Variants in ALDH2 observed in about 807,000 individuals in gnomAD.
ALDH2 encodes the protein aldehyde dehydrogenase 2 family member, also known as aldehyde dehydrogenase, mitochondrial.
ALDH2 carries 44 observed loss-of-function variants against 59.6 expected under a neutral mutation model. The observed-to-expected ratio is 0.74, with a 90% CI of 0.58 to 0.95. The LOEUF (loss-of-function observed/expected upper bound fraction) is 0.95. Ranked by LOEUF, ALDH2 falls within the 40% of genes least tolerant of loss-of-function variation. The pLI, the probability that ALDH2 is intolerant of heterozygous loss-of-function variation, is 0.00. For synonymous variants in ALDH2, 291 were observed against 284.0 expected (o/e 1.02, Z -0.25); for missense variants, 570 against 696.3 (o/e 0.82, Z 2.04).
intron 12 of ALDH2, among the ~76,000 whole-genome samples, chr12:111,809,050 A>C (rs1293791830): frequency 1.3e-5 from 2 of 152,196 alleles, no homozygotes. Flanking sequence ...GTCCAAACCC[A>C]AGAGGTGATG....
At chr12:111,794,162 G>A (rs1041691583) in intron 9 of ALDH2, among the ~76,000 whole-genome samples, 2 of 151,600 alleles carry the variant, frequency 1.3e-5, no homozygotes, top group Admixed American at 6.6e-5. Flanking sequence ...GGGACTTACA[G>A]GTGCATGCCA....
Position 111,812,396 on chromosome 12 carries a change from G to A in ALDH2, c.*2821G>A, listed in dbSNP as rs10161111. The A allele has an allele frequency of 0.084, 12,849 of 152,102 alleles. 638 individuals carry two copies. Among genetic ancestry groups the A allele is most frequent in the Middle Eastern group, 0.16 (48 of 294 alleles). The allele number at this position is 152,102 out of a possible 1,614,324, so 9.4% of individuals were successfully genotyped here. A position where few individuals can be genotyped will look rare whatever the true frequency, so the allele number is the denominator to read the frequency against. ...GGTCTCTTGCCTCAGCACCTGGATG[G>A]CTTGCCGCCCACAGCCAACAATGTG... On this transcript the variant is annotated 3_prime_UTR_variant, in exon 13 of 13. Transcript: ENST00000261733.
At chr12:111,798,964 G>A (rs1028355405) in intron 10 of ALDH2, among the ~76,000 whole-genome samples, 1 of 151,460 alleles carries the variant, frequency 6.6e-6, no homozygotes, top group African/African-American at 2.4e-5. Flanking sequence ...AGCCGAGATC[G>A]CGCCACTGCA....
intron 1 of ALDH2, among the ~76,000 whole-genome samples, chr12:111,771,238 C>T (rs2068197554): frequency 6.6e-6 from 1 of 151,854 alleles, no homozygotes; most frequent in African/African-American, 2.4e-5. Context: ...TCTACAAAAG[C>T]TTAAAAAAAT....
chr12:111,783,208 C>A lies in ALDH2; in HGVS notation c.270C>A (p.Gly90=), dbSNP rs779535686. The change falls in exon 3 of 13, where the codon GGC becomes GGA. Residue 90 remains glycine (G), a synonymous_variant. Coordinates refer to ENST00000261733, the MANE Select transcript of ALDH2 (RefSeq NM_000690.4). ...CCGCCCGGGCCGCCTTCCAGCTGGGCTCACCTTGGCGCCGCATGGACGCAT... is the reference window on the plus strand; with the variant it reads ...CCGCCCGGGCCGCCTTCCAGCTGGGATCACCTTGGCGCCGCATGGACGCAT... ...VKAARAAFQL[G]SPWRRMDASH... 8.1e-6 allele frequency: 13 copies of A among 1,613,428 alleles called. No individual in the cohort carries two copies. The highest frequency in any genetic ancestry group is 1.1e-5 in the Non-Finnish European group (13 of 1,179,632).
chr12:111,780,724 A>G (rs1236257052), intron 1 of ALDH2, among the ~76,000 whole-genome samples: 1 of 152,092 alleles, frequency 6.6e-6, no homozygotes, highest in Non-Finnish European at 1.5e-5. Flanking sequence ...CCTGGGCACC[A>G]TGAGAGCATG....
At position 111,767,031 on chromosome 12, in the gene ALDH2, T is replaced by A; in HGVS notation, c.49T>A (p.Leu17Met). ...CGGGCCCCGCCTGGGCCGCCGCCTCTTGTCAGCCGCCGCCACCCAGGCCGT... is the reference window on the plus strand; with the variant it reads ...CGGGCCCCGCCTGGGCCGCCGCCTCATGTCAGCCGCCGCCACCCAGGCCGT... ...RFGPRLGRRLLSAAATQAVPA... is the reference protein window; with the variant it reads ...RFGPRLGRRLMSAAATQAVPA... Residue 17 changes from leucine to methionine, a missense_variant, in exon 1 of 13, where the codon TTG (leucine) becomes ATG (methionine). Leu to Met is a conservative substitution (Grantham distance 15, BLOSUM62 2). Transcript: ENST00000261733. 6.6e-7 allele frequency: 1 copy of A among 1,526,472 alleles called. No individual in the cohort carries two copies. The highest frequency in any genetic ancestry group is 8.8e-7 in the Non-Finnish European group (1 of 1,142,744). The allele number at this position is 1,526,472 out of a possible 1,614,324, so 94.6% of individuals were successfully genotyped here. A position where few individuals can be genotyped will look rare whatever the true frequency, so the allele number is the denominator to read the frequency against.
intron 11 of ALDH2, among the ~76,000 whole-genome samples, chr12:111,803,103 T>C (rs572876274): frequency 1.4e-4 from 21 of 151,524 alleles, no homozygotes; most frequent in Non-Finnish European, 1.5e-4. Context: ...GAGATTCGCT[T>C]GAACCTGGGA....
In ALDH2 at chr12:111,809,657, G is replaced by C; in HGVS notation, c.*82G>C. 6.8e-7 allele frequency: 1 copy of C among 1,480,906 alleles called. No individual in the cohort carries two copies. Among genetic ancestry groups the C allele is most frequent in the Non-Finnish European group, 9.4e-7 (1 of 1,066,762 alleles). The allele number at this position is 1,480,906 out of a possible 1,614,324, so 91.7% of individuals were successfully genotyped here. ...CAAAACCAAGAAAAATGATCCTTGC[G>C]TGCTGAATATCTGAAAAGAGAAATT... On this transcript the variant is annotated 3_prime_UTR_variant, in exon 13 of 13. Transcript: ENST00000261733.
Position 111,783,175 on chromosome 12 carries a change from A to G in ALDH2, c.237A>G (p.Ala79=). The G allele has an allele frequency of 6.2e-7, 1 of 1,612,428 alleles. No individual in the cohort carries two copies. Among genetic ancestry groups the G allele is most frequent in the Non-Finnish European group, 8.5e-7 (1 of 1,178,910 alleles). The change falls in exon 3 of 13, where the codon GCA becomes GCG. Residue 79 remains alanine (A), a synonymous_variant. Transcript: ENST00000261733. The part of the protein sequence containing the change: ...AEGDKEDVDK[A]VKAARAAFQL... ...TTTTCTAGGAAGATGTGGACAAGGC[A>G]GTGAAGGCCGCCCGGGCCGCCTTCC...
chr12:111,785,485 A>G, intron 4 of ALDH2, 139 bp downstream of exon 4: 1 of 709,992 alleles, frequency 1.4e-6, no homozygotes, highest in Non-Finnish European at 2.4e-6. Flanking sequence ...GCACTTTGGG[A>G]GGCTGAGCCA....
intron 1 of ALDH2, 72 bp from the exon 2 acceptor site, chr12:111,781,846 T>A: frequency 2.6e-6 from 3 of 1,145,220 alleles, no homozygotes; most frequent in Non-Finnish European, 3.8e-6. Flanking sequence ...TGTTTTTTTT[T>A]TTCCTTACAA....
rs2068559939 is a variant in ALDH2, at chr12:111,814,746, G to A, written c.*5171G>A. On this transcript the variant is annotated 3_prime_UTR_variant, in exon 13 of 13. Transcript: ENST00000261733. The stretch of plus-strand genomic sequence containing the variant: ...CCAGCTACTTGGGAGGCTGAGACAG[G>A]AGAATCGCTTGAACCTGGGAGGCAG... 6.6e-6 allele frequency: 1 copy of A among 151,342 alleles called. No homozygotes were observed. Among genetic ancestry groups the A allele is most frequent in the African/African-American group, 2.4e-5 (1 of 41,110 alleles). The allele number at this position is 151,342 out of a possible 1,614,324, so 9.4% of individuals were successfully genotyped here. A position where few individuals can be genotyped will look rare whatever the true frequency, so the allele number is the denominator to read the frequency against.
rs980160197 is a variant in ALDH2 at position 111,790,379 on chromosome 12, C to T, written c.553-55C>T. 14 of 1,611,310 alleles carry T rather than the reference C, an allele frequency of 8.7e-6. No homozygotes were observed. The African/African-American group carries it at 1.6e-4, about 18-fold the overall frequency. Reference sequence around the variant, plus strand: ...TCTGGGGTTGCCACCTTCTGCTACCCAGTGTAGTTCTCTGAGGAAGCTTGG... The same window carrying T: ...TCTGGGGTTGCCACCTTCTGCTACCTAGTGTAGTTCTCTGAGGAAGCTTGG... On this transcript the variant is annotated intron_variant, in intron 5 of 12. Coordinates refer to ENST00000261733, the MANE Select transcript of ALDH2 (RefSeq NM_000690.4).
At position 111,809,656 on chromosome 12, in the gene ALDH2, C is replaced by T. The variant is rs755554206; in HGVS notation, c.*81C>T. 2.4e-5 allele frequency: 36 copies of T among 1,481,830 alleles called. No homozygotes were observed. The highest frequency in any genetic ancestry group is 1.7e-4 in the Middle Eastern group (1 of 5,818). 91.8% of individuals were successfully genotyped at this position (1,481,830 alleles called of 1,614,324 possible). A position where few individuals can be genotyped will look rare whatever the true frequency, so the allele number is the denominator to read the frequency against. On this transcript the variant is annotated 3_prime_UTR_variant, in exon 13 of 13. Transcript: ENST00000261733. Reference sequence around the variant, plus strand: ...ACAAAACCAAGAAAAATGATCCTTGCGTGCTGAATATCTGAAAAGAGAAAT... The same window carrying T: ...ACAAAACCAAGAAAAATGATCCTTGTGTGCTGAATATCTGAAAAGAGAAAT...
Position 111,791,401 on chromosome 12 carries a change from A to G in ALDH2, c.777A>G (p.Ala259=). 1 of 1,613,686 alleles carries G rather than the reference A, an allele frequency of 6.2e-7. No homozygotes were observed. The highest frequency in any genetic ancestry group is 2.2e-5 in the East Asian group (1 of 44,874). The change falls in exon 7 of 13, where the codon GCA becomes GCG. Residue 259 remains alanine (A), a synonymous_variant. Coordinates refer to ENST00000261733, the MANE Select transcript of ALDH2 (RefSeq NM_000690.4). ...CCCATGAGGATGTGGACAAAGTGGC[A>G]TTCACAGGCTCCACTGAGGTAAGGT... ...IASHEDVDKV[A]FTGSTEIGRV...
chr12:111,801,872 G>T (rs559112110), intron 11 of ALDH2, among the ~76,000 whole-genome samples: 19 of 152,292 alleles, frequency 1.2e-4, no homozygotes, highest in Non-Finnish European at 1.3e-4. Flanking sequence ...GCTTCTTTCA[G>T]TGTGATAGAA....
chr12:111,777,472 C>T (rs752692149), intron 1 of ALDH2, among the ~76,000 whole-genome samples: 1 of 152,168 alleles, frequency 6.6e-6, no homozygotes, highest in Admixed American at 6.6e-5. Flanking sequence ...TCTCTGTACT[C>T]TCCTAACCCT....
At chr12:111,769,393 G>T (rs1749962471) in intron 1 of ALDH2, among the ~76,000 whole-genome samples, 1 of 152,018 alleles carries the variant, frequency 6.6e-6, no homozygotes, top group Non-Finnish European at 1.5e-5. Flanking sequence ...TCCAGCCTGG[G>T]CAATGGAGCA....
Sources: gnomAD v4.1 joint callset for allele counts (sites outside exome capture counted in the v4.1 genomes callset) on GRCh38, gnomAD v4.1.1 for gene constraint, MANE v1.5 for transcripts, NCBI Gene and HGNC (gene_info 2026-07-23, HGNC 2026-07-21) for gene names.